The following MSI2 variants were observed in gnomAD, a reference collection of about 807,000 sequenced individuals.
MSI2 encodes the protein RNA-binding protein Musashi homolog 2.
A neutral mutation model predicts 45.6 loss-of-function variants in MSI2; 17 were observed. The ratio of observed to expected loss-of-function variants is 0.37; its 90% confidence interval spans 0.26 to 0.56. The LOEUF is 0.56. MSI2 is among the 20% of genes least tolerant of loss of function. MSI2 has a pLI of 0.77. For missense variants in MSI2, 293 were observed against 444.2 expected (o/e 0.66, Z 3.06); for synonymous variants, 156 against 158.2 (o/e 0.99, Z 0.11).
At chr17:57,476,774 C>A (rs1054616686) in intron 6 of MSI2, among the ~76,000 whole-genome samples, 8 of 152,170 alleles carry the variant, frequency 5.3e-5, no homozygotes, top group African/African-American at 1.9e-4. Flanking sequence ...TTTCATTTGA[C>A]AGGTGAGAAC....
intron 8 of MSI2, among the ~76,000 whole-genome samples, chr17:57,604,752 C>T (rs1906335558): frequency 6.6e-6 from 1 of 152,146 alleles, no homozygotes; most frequent in African/African-American, 2.4e-5. Context: ...GGAGGAGGGT[C>T]CTGAGCTGTC....
chr17:57,455,583 C>G (rs1332200653), intron 6 of MSI2, among the ~76,000 whole-genome samples: 1 of 152,156 alleles, frequency 6.6e-6, no homozygotes, highest in South Asian at 2.1e-4. Context: ...CCTCATGCCC[C>G]CTGAGTGGAG....
At chr17:57,601,160 A>G (rs1905827455) in intron 8 of MSI2, 1 of 152,208 alleles carries the variant, frequency 6.6e-6, no homozygotes, top group Non-Finnish European at 1.5e-5. Context: ...CTAGGAGAAG[A>G]GCAGAGGAGA....
rs578068190 is a variant in MSI2, at chr17:57,458,224, C to T, written c.405+56753C>T. Among the ~76,000 whole-genome samples the T allele has an allele frequency of 2.6e-5, 4 of 151,876 alleles. No individual in the cohort carries two copies. The East Asian group carries it at 7.8e-4, about 29-fold the overall frequency. On this transcript the variant is annotated intron_variant, in intron 6 of 13. Coordinates refer to ENST00000284073, the MANE Select transcript of MSI2 (RefSeq NM_138962.4). ...CACGCCATTCTCTTGCCTCAGCCTC[C>T]CGAGTAGCTGGGACTACGGGCGCCC...
chr17:57,659,801 A>G (rs1911866113), intron 11 of MSI2, among the ~76,000 whole-genome samples: 1 of 152,236 alleles, frequency 6.6e-6, no homozygotes, highest in Non-Finnish European at 1.5e-5. Flanking sequence ...AGCTCTATAT[A>G]GGCCAAGCGC....
intron 6 of MSI2, among the ~76,000 whole-genome samples, chr17:57,481,337 G>C (rs2085643003): frequency 6.6e-6 from 1 of 152,152 alleles, no homozygotes; most frequent in Admixed American, 6.5e-5. Flanking sequence ...AAATAAGTCA[G>C]CAAATAAGTC....
At position 57,257,147 on chromosome 17, in the gene MSI2, G is replaced by A. The variant is rs1485589302; in HGVS notation, c.103+9G>A. On this transcript the variant is annotated intron_variant, in intron 2 of 13. Coordinates refer to ENST00000284073, the MANE Select transcript of MSI2 (RefSeq NM_138962.4). ...CTGGCAGACCTCACCAGGTAAGGGAGGGAGGGGGGGACGCCTGGGTCCCCC... is the reference window on the plus strand; with the variant it reads ...CTGGCAGACCTCACCAGGTAAGGGAAGGAGGGGGGGACGCCTGGGTCCCCC... 1.3e-6 allele frequency: 2 copies of A among 1,576,352 alleles called. No individual in the cohort carries two copies. The highest frequency in any genetic ancestry group is 1.8e-5 in the Admixed American group (1 of 55,948).
rs1417152832 is a variant in MSI2 at position 57,652,437 on chromosome 17, T to A, written c.790+276T>A. Reference sequence around the variant, plus strand: ...AAAAAAAACAAACCTGAGTTTCTTTTTGACTTTGACCATCCCGTCACCTGA... The same window carrying A: ...AAAAAAAACAAACCTGAGTTTCTTTATGACTTTGACCATCCCGTCACCTGA... On this transcript the variant is annotated intron_variant, in intron 11 of 13. Coordinates refer to ENST00000284073, the MANE Select transcript of MSI2 (RefSeq NM_138962.4). The surrounding 1 kb of genome is among the most constrained non-coding windows in gnomAD (Gnocchi z 4.1). 6.6e-6 allele frequency among the ~76,000 whole-genome samples: 1 copy of A among 152,204 alleles called. No individual in the cohort carries two copies. The highest frequency in any genetic ancestry group is 1.5e-5 in the Non-Finnish European group (1 of 68,016).
At chr17:57,433,776 C>A (rs1295857497) in intron 6 of MSI2, among the ~76,000 whole-genome samples, 1 of 152,230 alleles carries the variant, frequency 6.6e-6, no homozygotes, top group Non-Finnish European at 1.5e-5. Flanking sequence ...AGAGATGCTC[C>A]CCTTCCTTAA....
intron 5 of MSI2, among the ~76,000 whole-genome samples, chr17:57,323,736 C>T (rs1357683709): frequency 3.3e-5 from 5 of 152,174 alleles, no homozygotes; most frequent in South Asian, 2.1e-4. Flanking sequence ...CACTGTCTGC[C>T]GCTGTGGGTG....
chr17:57,409,223 C>T (rs894815937), intron 6 of MSI2, among the ~76,000 whole-genome samples: 1 of 152,226 alleles, frequency 6.6e-6, no homozygotes, highest in African/African-American at 2.4e-5. Flanking sequence ...TAAAACCAAT[C>T]ATGAGGCACA....
chr17:57,511,953 C>T (rs1305991475), intron 6 of MSI2, among the ~76,000 whole-genome samples: 9 of 152,214 alleles, frequency 5.9e-5, no homozygotes, highest in Non-Finnish European at 8.8e-5. Context: ...ACCTGCTGCT[C>T]CATTACCAGG....
intron 5 of MSI2, among the ~76,000 whole-genome samples, chr17:57,379,925 T>C (rs1335937397): frequency 6.6e-6 from 1 of 152,226 alleles, no homozygotes; most frequent in Non-Finnish European, 1.5e-5. Context: ...AGAAATCCTT[T>C]CTTTTCTTTC....
chr17:57,561,715 C>T (rs2087580466), intron 7 of MSI2, among the ~76,000 whole-genome samples: 1 of 152,148 alleles, frequency 6.6e-6, no homozygotes, highest in Admixed American at 6.5e-5. Flanking sequence ...GAAATGGTAG[C>T]GTGTGCCCAA....
At chr17:57,296,291 CTT>C (rs1910947374) in intron 5 of MSI2, among the ~76,000 whole-genome samples, 1 of 152,106 alleles carries the variant, frequency 6.6e-6, no homozygotes. Flanking sequence ...AGGCTCCTCT[CTT>C]GAGCCTTTTT....
At chr17:57,426,199 G>T (rs372761836) in intron 6 of MSI2, among the ~76,000 whole-genome samples, 1 of 152,160 alleles carries the variant, frequency 6.6e-6, no homozygotes, top group Non-Finnish European at 1.5e-5. Flanking sequence ...GTGTTTAGTC[G>T]TGATTTTTAA....
intron 11 of MSI2, 172 bp from the exon 12 acceptor site, chr17:57,674,799 TG>T: frequency 1.1e-6 from 1 of 903,342 alleles, no homozygotes; most frequent in Non-Finnish European, 1.7e-6. Flanking sequence ...TGTTTTCGCA[TG>T]GCCTTGGTTG....
chr17:57,479,157 T>C (rs930651374), intron 6 of MSI2, among the ~76,000 whole-genome samples: 7 of 152,096 alleles, frequency 4.6e-5, no homozygotes, highest in African/African-American at 1.4e-4. Flanking sequence ...ATGGAGACCC[T>C]TGGGCTGCTG....
At chr17:57,532,305 C>T (rs887839775) in intron 7 of MSI2, 2 of 152,254 alleles carry the variant, frequency 1.3e-5, no homozygotes, top group Non-Finnish European at 2.9e-5. Flanking sequence ...AGGGCAGAGA[C>T]ATGCCAGGAA....
Sources: gnomAD v4.1 joint callset for allele counts (sites outside exome capture counted in the v4.1 genomes callset) on GRCh38, gnomAD v4.1.1 for gene constraint, Gnocchi (gnomAD v3.1) non-coding constraint, MANE v1.5 for transcripts, NCBI Gene and HGNC (gene_info 2026-07-23, HGNC 2026-07-21) for gene names.